VAT1L: variants seen among roughly 807,000 people sequenced by gnomAD.
VAT1L encodes putative NADPH-dependent quinone oxidoreductase VAT1L.
A neutral mutation model predicts 44.1 loss-of-function variants in VAT1L; 34 were observed. The ratio of observed to expected loss-of-function variants is 0.77; its 90% CI spans 0.59 to 1.03. VAT1L has a LOEUF of 1.03. Ranked by LOEUF, VAT1L falls within the 50% of genes least tolerant of loss-of-function variation. The probability of loss-of-function intolerance (pLI) is 0.00; values close to 1 mark genes in which losing one functional copy is unlikely to be tolerated. For synonymous variants in VAT1L, 253 were observed against 202.2 expected (o/e 1.25, Z -2.13); for missense variants, 615 against 538.8 (o/e 1.14, Z -1.40).
intron 1 of VAT1L, among the ~76,000 whole-genome samples, chr16:77,802,158 G>A (rs2016068823): frequency 6.6e-6 from 1 of 152,156 alleles, no homozygotes; most frequent in Non-Finnish European, 1.5e-5. Context: ...GCACATGTGG[G>A]AGACTCCACA....
chr16:77,898,585 C>T (rs1370808582), intron 7 of VAT1L, among the ~76,000 whole-genome samples: 1 of 142,016 alleles, frequency 7.0e-6, no homozygotes, highest in African/African-American at 2.6e-5. Context: ...TGTGGGGTTG[C>T]TGTGAAAATA....
At position 77,971,863 on chromosome 16, in the gene VAT1L, T is replaced by C. The variant is rs144055965; in HGVS notation, c.1091T>C (p.Met364Thr). 3.1e-6 allele frequency: 5 copies of C among 1,613,730 alleles called. No individual in the cohort carries two copies. Among genetic ancestry groups the C allele is most frequent in the Non-Finnish European group, 4.2e-6 (5 of 1,179,866 alleles). The change falls in exon 8 of 9, where the codon ATG (methionine) becomes ACG (threonine). Residue 364 changes from methionine to threonine, a missense_variant. Coordinates refer to ENST00000302536, the MANE Select transcript of VAT1L (RefSeq NM_020927.3). Reference protein sequence around the residue: ...LWALEEVKEAMQRIHDRGNIG... With the variant: ...LWALEEVKEATQRIHDRGNIG... ...CTTTTCGCGCAGGTGAAGGAGGCCA[T>C]GCAGCGGATTCACGACCGAGGGAAC...
At chr16:77,973,457 G>C (rs2018301905) in intron 8 of VAT1L, among the ~76,000 whole-genome samples, 1 of 151,832 alleles carries the variant, frequency 6.6e-6, no homozygotes, top group Non-Finnish European at 1.5e-5. Context: ...GTTAATTTTT[G>C]TATTTTTAGT....
intron 2 of VAT1L, among the ~76,000 whole-genome samples, chr16:77,824,563 G>C (rs2016495960): frequency 6.6e-6 from 1 of 151,914 alleles, no homozygotes; most frequent in South Asian, 2.1e-4. Context: ...AGACCATCCT[G>C]GCTAACATGG....
chr16:77,927,245 G>A (rs1196416850), intron 7 of VAT1L, among the ~76,000 whole-genome samples: 1 of 151,644 alleles, frequency 6.6e-6, no homozygotes, highest in African/African-American at 2.4e-5. Flanking sequence ...GGCTGAGGCA[G>A]GAGAATGGCG....
intron 3 of VAT1L, among the ~76,000 whole-genome samples, chr16:77,834,031 T>G (rs772225026): frequency 5.3e-5 from 8 of 152,180 alleles, no homozygotes; most frequent in Non-Finnish European, 8.8e-5. Flanking sequence ...CTCCTTATTC[T>G]TTTCACTCCT....
chr16:77,930,253 G>A (rs1277721173), intron 7 of VAT1L, among the ~76,000 whole-genome samples: 1 of 152,116 alleles, frequency 6.6e-6, no homozygotes, highest in South Asian at 2.1e-4. Context: ...TGTATTGTCT[G>A]TCTTTCCTGG....
intron 7 of VAT1L, among the ~76,000 whole-genome samples, chr16:77,941,823 A>T (rs2017887973): frequency 6.6e-6 from 1 of 152,090 alleles, no homozygotes; most frequent in Non-Finnish European, 1.5e-5. Flanking sequence ...TCCTGACCTC[A>T]GGTGATCCAC....
intron 7 of VAT1L, among the ~76,000 whole-genome samples, chr16:77,940,860 T>A (rs1379364255): frequency 6.6e-6 from 1 of 152,072 alleles, no homozygotes; most frequent in South Asian, 2.1e-4. Context: ...CCTTTGCATT[T>A]CTCCCTCTCA....
At chr16:77,845,809 C>G (rs1309006609) in intron 3 of VAT1L, among the ~76,000 whole-genome samples, 2 of 152,190 alleles carry the variant, frequency 1.3e-5, no homozygotes, top group Non-Finnish European at 2.9e-5. Context: ...GCCCCTCCCG[C>G]TCTTCTGCCT....
intron 3 of VAT1L, among the ~76,000 whole-genome samples, chr16:77,828,150 G>A (rs113459880): frequency 6.9e-4 from 105 of 152,250 alleles, no homozygotes; most frequent in African/African-American, 1.1e-3. Context: ...CCGCTGAGCC[G>A]GGATGGGTGG....
chr16:77,877,988 A>G (rs762597239), intron 5 of VAT1L, among the ~76,000 whole-genome samples: 2 of 152,240 alleles, frequency 1.3e-5, no homozygotes, highest in Non-Finnish European at 2.9e-5. Context: ...CAGATGGACG[A>G]TGTAGTCATC....
intron 3 of VAT1L, among the ~76,000 whole-genome samples, chr16:77,862,519 G>A (rs1233490985): frequency 1.3e-5 from 2 of 151,560 alleles, no homozygotes; most frequent in Non-Finnish European, 2.9e-5. Context: ...GGGAGGCTGA[G>A]GCAGGAGAAT....
intron 8 of VAT1L, among the ~76,000 whole-genome samples, chr16:77,972,404 C>T (rs184891137): frequency 9.0e-4 from 137 of 152,238 alleles, no homozygotes; most frequent in African/African-American, 2.9e-3. Context: ...CTGCAGCCCC[C>T]GCCTCCTGAC....
Position 77,879,188 on chromosome 16 carries a change from T to G in VAT1L, c.846T>G (p.Thr282=). The change falls in exon 6 of 9, where the codon ACT becomes ACG. Residue 282 remains threonine (T), a synonymous_variant. Transcript: ENST00000302536. This position sits in a 1 kb window ranked among gnomAD's most constrained non-coding sequence, Gnocchi z 4.1. ...TTTCAGGCTCATCCAACATGGTAAC[T>G]GGAGAGACCAAGAGCTTCTTCAGCT... ...YILYGSSNMV[T]GETKSFFSFA... 1 of 1,614,220 alleles carries G rather than the reference T, an allele frequency of 6.2e-7. No individual in the cohort carries two copies. Among genetic ancestry groups the G allele is most frequent in the Non-Finnish European group, 8.5e-7 (1 of 1,180,034 alleles).
intron 7 of VAT1L, among the ~76,000 whole-genome samples, chr16:77,946,922 G>A (rs940334012): frequency 6.6e-6 from 1 of 152,196 alleles, no homozygotes; most frequent in African/African-American, 2.4e-5. Flanking sequence ...CTCTGAGCAG[G>A]AATGGAAAGT....
intron 1 of VAT1L, among the ~76,000 whole-genome samples, chr16:77,804,333 G>A (rs2145218810): frequency 6.6e-6 from 1 of 152,286 alleles, no homozygotes; most frequent in Non-Finnish European, 1.5e-5. Flanking sequence ...AAAGTCAAAA[G>A]AGTTAGTCTC....
At chr16:77,836,444 G>A (rs1171725483) in intron 3 of VAT1L, among the ~76,000 whole-genome samples, 5 of 152,176 alleles carry the variant, frequency 3.3e-5, no homozygotes, top group African/African-American at 1.2e-4. Flanking sequence ...AAAGCGATGA[G>A]GATTAACTGC....
intron 1 of VAT1L, among the ~76,000 whole-genome samples, chr16:77,808,543 G>T (rs954416137): frequency 2.0e-5 from 3 of 152,166 alleles, no homozygotes; most frequent in South Asian, 4.2e-4. Flanking sequence ...GTTTGGGACC[G>T]TTGCTCTAGA....
Sources: allele counts gnomAD v4.1 joint callset (sites outside exome capture counted in the v4.1 genomes callset), GRCh38; gene constraint gnomAD v4.1.1; non-coding constraint Gnocchi (gnomAD v3.1); transcripts MANE v1.5; gene names NCBI Gene and HGNC (gene_info 2026-07-23, HGNC 2026-07-21).